Variants in KIAA1328 observed in about 807,000 individuals in gnomAD.
The protein encoded by KIAA1328 is KIAA1328.
In KIAA1328, 52 loss-of-function variants were observed where a neutral mutation model predicts 68.1. That is an observed-to-expected ratio of 0.76 (90% CI 0.61 to 0.96). The LOEUF (loss-of-function observed/expected upper bound fraction) is 0.96, where lower values mean the gene tolerates loss of function less well. Among genes scored for constraint, KIAA1328 ranks in the 40% least tolerant of loss-of-function variants. The pLI, the probability that KIAA1328 is intolerant of heterozygous loss-of-function variation, is 0.00. For missense variants in KIAA1328, 641 were observed against 677.6 expected, an observed-to-expected ratio of 0.95 and a Z score of 0.60; for synonymous variants, 232 against 239.4, an observed-to-expected ratio of 0.97 and a Z score of 0.28.
chr18:37,222,823 C>G lies in KIAA1328; in HGVS notation c.*596C>G. ...GCCATCAGCCTGGCAGCTGCCCATCCCATAACCAAAGAGCTCAATGGGCTG... is the reference window on the plus strand; with the variant it reads ...GCCATCAGCCTGGCAGCTGCCCATCGCATAACCAAAGAGCTCAATGGGCTG... On this transcript the variant is annotated 3_prime_UTR_variant, in exon 10 of 10. Coordinates refer to ENST00000280020, the MANE Select transcript of KIAA1328 (RefSeq NM_020776.3). 2.0e-6 allele frequency: 2 copies of G among 991,424 alleles called. No homozygotes were observed. The highest frequency in any genetic ancestry group is 1.2e-6 in the Non-Finnish European group (1 of 834,102). The allele number at this position is 991,424 out of a possible 1,614,324, so 61.4% of individuals were successfully genotyped here. A position where few individuals can be genotyped will look rare whatever the true frequency, so the allele number is the denominator to read the frequency against.
chr18:37,188,730 A>C (rs1044435633), intron 9 of KIAA1328, among the ~76,000 whole-genome samples: 8 of 152,246 alleles, frequency 5.3e-5, no homozygotes, highest in African/African-American at 1.9e-4. Context: ...TTTGGATAGA[A>C]ATATTTTTGT....
chr18:37,205,308 G>A (rs2060196806), intron 9 of KIAA1328, among the ~76,000 whole-genome samples: 1 of 152,140 alleles, frequency 6.6e-6, no homozygotes, highest in Non-Finnish European at 1.5e-5. Context: ...AGTGCCAAAG[G>A]TGGGAAAATG....
chr18:36,960,535 C>T (rs2051618386), intron 6 of KIAA1328, among the ~76,000 whole-genome samples: 2 of 152,234 alleles, frequency 1.3e-5, no homozygotes, highest in Non-Finnish European at 2.9e-5. Context: ...TGTAGCCTGA[C>T]TGGGAGACAC....
chr18:37,102,201 T>A (rs1294812233), intron 7 of KIAA1328, among the ~76,000 whole-genome samples: 1 of 152,212 alleles, frequency 6.6e-6, no homozygotes, highest in Non-Finnish European at 1.5e-5. Flanking sequence ...TGCTTCAACA[T>A]ATGCAATTCA....
chr18:37,085,003 A>G (rs1176081813), intron 7 of KIAA1328, among the ~76,000 whole-genome samples: 1 of 151,956 alleles, frequency 6.6e-6, no homozygotes, highest in African/African-American at 2.4e-5. Context: ...TCAGGTTGAG[A>G]CTATAAAGAC....
chr18:36,950,947 T>G (rs2151226889), intron 5 of KIAA1328, among the ~76,000 whole-genome samples: 1 of 152,354 alleles, frequency 6.6e-6, no homozygotes, highest in South Asian at 2.1e-4. Flanking sequence ...GACAACCAAG[T>G]AATGTCAAAC....
intron 9 of KIAA1328, among the ~76,000 whole-genome samples, chr18:37,212,449 G>A (rs535659562): frequency 6.6e-6 from 1 of 152,236 alleles, no homozygotes; most frequent in East Asian, 1.9e-4. Context: ...TGCCAGACCA[G>A]TGTAAAATGA....
At chr18:37,155,521 C>T (rs1324489641) in intron 7 of KIAA1328, among the ~76,000 whole-genome samples, 1 of 152,126 alleles carries the variant, frequency 6.6e-6, no homozygotes, top group African/African-American at 2.4e-5. Flanking sequence ...TATGTCTTTC[C>T]GTTCCTACTA....
chr18:36,892,207 G>A, intron 5 of KIAA1328, among the ~76,000 whole-genome samples: 1 of 150,084 alleles, frequency 6.7e-6, no homozygotes, highest in African/African-American at 2.5e-5. Flanking sequence ...TGTCAGGAGA[G>A]GTAGAAAAAA....
At chr18:37,112,412 T>C (rs1382349842) in intron 7 of KIAA1328, among the ~76,000 whole-genome samples, 4 of 152,210 alleles carry the variant, frequency 2.6e-5, no homozygotes, top group South Asian at 4.1e-4. Context: ...GCAAACAGCA[T>C]CTGGAGTGGA....
chr18:36,875,199 T>G (rs938615142), intron 4 of KIAA1328, among the ~76,000 whole-genome samples: 3 of 152,230 alleles, frequency 2.0e-5, no homozygotes, highest in African/African-American at 7.2e-5. Flanking sequence ...TTTTTCTAAT[T>G]CTGTGAAGAA....
intron 7 of KIAA1328, among the ~76,000 whole-genome samples, chr18:37,093,363 G>T (rs1474830757): frequency 6.6e-6 from 1 of 152,122 alleles, no homozygotes; most frequent in Non-Finnish European, 1.5e-5. Flanking sequence ...GGTACTCAAT[G>T]AGATACAAAA....
At chr18:36,849,671 T>C (rs2047148249) in intron 4 of KIAA1328, among the ~76,000 whole-genome samples, 1 of 152,220 alleles carries the variant, frequency 6.6e-6, no homozygotes, top group South Asian at 2.1e-4. Context: ...TTAAACTACA[T>C]GAATATTTGA....
At chr18:37,220,577 C>T (rs1447181964) in intron 9 of KIAA1328, among the ~76,000 whole-genome samples, 6 of 152,024 alleles carry the variant, frequency 3.9e-5, no homozygotes, top group Non-Finnish European at 8.8e-5. Flanking sequence ...TTGTAATGTC[C>T]ACGTGTATGT....
intron 7 of KIAA1328, among the ~76,000 whole-genome samples, chr18:37,140,012 A>G (rs1163182893): frequency 6.6e-6 from 1 of 152,202 alleles, no homozygotes; most frequent in Non-Finnish European, 1.5e-5. Flanking sequence ...GTAAAACTCT[A>G]TGGAGATGAT....
chr18:37,015,588 G>T (rs928991769), intron 6 of KIAA1328, among the ~76,000 whole-genome samples: 1 of 152,062 alleles, frequency 6.6e-6, no homozygotes, highest in Non-Finnish European at 1.5e-5. Flanking sequence ...ATTGCTTTGG[G>T]CAGTATGGCC....
intron 9 of KIAA1328, among the ~76,000 whole-genome samples, chr18:37,209,667 A>G (rs2060279133): frequency 6.6e-6 from 1 of 152,180 alleles, no homozygotes; most frequent in African/African-American, 2.4e-5. Flanking sequence ...AGGGTGAAAC[A>G]CATGCAAAGG....
At chr18:36,942,480 C>T (rs2050751454) in intron 5 of KIAA1328, among the ~76,000 whole-genome samples, 1 of 152,172 alleles carries the variant, frequency 6.6e-6, no homozygotes, top group Admixed American at 6.5e-5. Flanking sequence ...GTTCACAAAT[C>T]GCAGCACCAC....
intron 9 of KIAA1328, among the ~76,000 whole-genome samples, chr18:37,177,838 A>T (rs942047367): frequency 6.6e-6 from 1 of 152,034 alleles, no homozygotes; most frequent in African/African-American, 2.4e-5. Flanking sequence ...TATTTTTATT[A>T]ATTGACACAT....
Sources: allele counts gnomAD v4.1 joint callset (sites outside exome capture counted in the v4.1 genomes callset), GRCh38; gene constraint gnomAD v4.1.1; transcripts MANE v1.5; gene names NCBI Gene and HGNC (gene_info 2026-07-23, HGNC 2026-07-21).